The following NSMCE2 variants were observed in gnomAD, a reference collection of about 807,000 sequenced individuals.
NSMCE2 encodes the protein NSE2 SUMO ligase component of SMC5/6 complex, also known as E3 SUMO-protein ligase NSE2.
In NSMCE2, 24 loss-of-function variants were observed where a neutral mutation model predicts 23.8. That is an observed-to-expected ratio of 1.01 (90% CI 0.73 to 1.42). The LOEUF (loss-of-function observed/expected upper bound fraction) is 1.42. Among genes scored for constraint, NSMCE2 ranks in the 40% most tolerant of loss-of-function variants. NSMCE2 has a pLI of 0.00. For synonymous variants in NSMCE2, 92 were observed against 94.1 expected, an observed-to-expected ratio of 0.98 and a Z score of 0.13; for missense variants, 284 against 296.5, an observed-to-expected ratio of 0.96 and a Z score of 0.31.
intron 5 of NSMCE2, among the ~76,000 whole-genome samples, chr8:125,247,522 C>CT (rs1183446822): frequency 6.6e-6 from 1 of 150,820 alleles, no homozygotes; most frequent in Non-Finnish European, 1.5e-5. Flanking sequence ...GTCAGCAGTT[C>CT]GAGACCAGCC....
At chr8:125,258,808 G>T (rs1008505530) in intron 5 of NSMCE2, among the ~76,000 whole-genome samples, 10 of 152,182 alleles carry the variant, frequency 6.6e-5, no homozygotes, top group Non-Finnish European at 1.0e-4. Flanking sequence ...GGAAAGACTT[G>T]GTTGGAAGCT....
At chr8:125,238,397 C>T (rs778384408) in intron 5 of NSMCE2, among the ~76,000 whole-genome samples, 4 of 152,108 alleles carry the variant, frequency 2.6e-5, no homozygotes, top group Admixed American at 6.5e-5. Flanking sequence ...ATGAATATAA[C>T]GGAACTGAAA....
chr8:125,296,671 C>T (rs1294170277), intron 5 of NSMCE2, among the ~76,000 whole-genome samples: 1 of 152,128 alleles, frequency 6.6e-6, no homozygotes, highest in Non-Finnish European at 1.5e-5. Flanking sequence ...GCTGGGATTA[C>T]AGATGTGAGT....
chr8:125,137,418 T>C (rs188639785), intron 3 of NSMCE2, among the ~76,000 whole-genome samples: 55 of 152,324 alleles, frequency 3.6e-4, no homozygotes, highest in Admixed American at 2.0e-3. Flanking sequence ...ATCTTTTTCT[T>C]GGTATAAATG....
chr8:125,171,709 TATA>T (rs142119790), intron 4 of NSMCE2, among the ~76,000 whole-genome samples: 2 of 152,114 alleles, frequency 1.3e-5, no homozygotes, highest in African/African-American at 4.8e-5. Flanking sequence ...TTAAACTTGC[TATA>T]ATAATAATAA....
At chr8:125,172,859 T>TTGTAGATTTTTATC (rs1400130652) in intron 4 of NSMCE2, among the ~76,000 whole-genome samples, 1 of 152,260 alleles carries the variant, frequency 6.6e-6, no homozygotes, top group Non-Finnish European at 1.5e-5. Flanking sequence ...TCTCAGCTAA[T>TTGTAGATTTTTATC]TGTAGATTTT....
chr8:125,207,814 G>C (rs1824173532), intron 5 of NSMCE2, among the ~76,000 whole-genome samples: 2 of 152,200 alleles, frequency 1.3e-5, no homozygotes, highest in Admixed American at 6.5e-5. Context: ...GCTCCATGTG[G>C]TTGCAGCCTC....
At chr8:125,233,844 T>G (rs1825428762) in intron 5 of NSMCE2, among the ~76,000 whole-genome samples, 1 of 152,036 alleles carries the variant, frequency 6.6e-6, no homozygotes, top group African/African-American at 2.4e-5. Flanking sequence ...GCTGTCACTT[T>G]CTACATCTAA....
At chr8:125,134,722 C>CTTTTT (rs34284298) in intron 3 of NSMCE2, among the ~76,000 whole-genome samples, 28 of 117,710 alleles carry the variant, frequency 2.4e-4, no homozygotes, top group African/African-American at 9.2e-4. Flanking sequence ...TAACGGATTC[C>CTTTTT]TTTTTTTTTT....
chr8:125,222,443 C>G (rs967365404), intron 5 of NSMCE2, among the ~76,000 whole-genome samples: 1 of 151,984 alleles, frequency 6.6e-6, no homozygotes, highest in Non-Finnish European at 1.5e-5. Context: ...TCGTGCTGTG[C>G]AATAGATCAC....
At chr8:125,356,242 G>C (rs1015401217) in intron 5 of NSMCE2, among the ~76,000 whole-genome samples, 3 of 151,794 alleles carry the variant, frequency 2.0e-5, no homozygotes, top group Non-Finnish European at 4.4e-5. Context: ...GTATGGGGGG[G>C]GGTGTTCTGG....
chr8:125,192,654 A>G (rs543545646), intron 5 of NSMCE2, among the ~76,000 whole-genome samples: 7 of 152,352 alleles, frequency 4.6e-5, no homozygotes, highest in African/African-American at 1.7e-4. Context: ...ATGACTTGCT[A>G]CATTTCATTT....
At chr8:125,311,559 A>G (rs902155853) in intron 5 of NSMCE2, among the ~76,000 whole-genome samples, 1 of 152,230 alleles carries the variant, frequency 6.6e-6, no homozygotes, top group Non-Finnish European at 1.5e-5. Context: ...GTTGTGCAAT[A>G]TGTCAGCATT....
chr8:125,180,082 T>C (rs1822723583), intron 4 of NSMCE2, among the ~76,000 whole-genome samples: 1 of 152,234 alleles, frequency 6.6e-6, no homozygotes, highest in Non-Finnish European at 1.5e-5. Flanking sequence ...ATTTATTTTC[T>C]AGGTCTGCTC....
intron 5 of NSMCE2, among the ~76,000 whole-genome samples, chr8:125,268,068 T>TAA (rs759319628): frequency 7.3e-6 from 1 of 136,540 alleles, no homozygotes; most frequent in African/African-American, 2.7e-5. Context: ...CATCTCTATT[T>TAA]AAAAAAAAAA....
chr8:125,294,109 T>C (rs971349933), intron 5 of NSMCE2, among the ~76,000 whole-genome samples: 2 of 152,218 alleles, frequency 1.3e-5, no homozygotes, highest in African/African-American at 4.8e-5. Flanking sequence ...GTTTTCAAGG[T>C]TTATCCATGT....
chr8:125,314,443 C>T (rs1829096056), intron 5 of NSMCE2, among the ~76,000 whole-genome samples: 4 of 152,132 alleles, frequency 2.6e-5, no homozygotes, highest in Non-Finnish European at 4.4e-5. Context: ...GCACCCACCA[C>T]CCATGCCTGG....
Position 125,181,963 on chromosome 8 carries a change from T to C in NSMCE2, c.265-140T>C, listed in dbSNP as rs955223762. ...CTGTCCTAGAACATGTCCCAACCTC[T>C]CTGGTGCTTTGTTCAAGAGATTGTT... On this transcript the variant is annotated intron_variant, in intron 4 of 7. Coordinates refer to ENST00000287437, the MANE Select transcript of NSMCE2 (RefSeq NM_173685.4). 8.9e-6 allele frequency: 6 copies of C among 671,960 alleles called. No homozygotes were observed. The African/African-American group carries it at 1.1e-4, about 12-fold the overall frequency. The allele number at this position is 671,960 out of a possible 1,614,324, so 41.6% of individuals were successfully genotyped here.
intron 4 of NSMCE2, among the ~76,000 whole-genome samples, chr8:125,173,338 A>T (rs1405769792): frequency 6.6e-6 from 1 of 152,142 alleles, no homozygotes; most frequent in East Asian, 1.9e-4. Flanking sequence ...GGAGGAGAAG[A>T]TGTGTAACTA....
Sources: allele counts gnomAD v4.1 joint callset (sites outside exome capture counted in the v4.1 genomes callset), GRCh38; gene constraint gnomAD v4.1.1; transcripts MANE v1.5; gene names NCBI Gene and HGNC (gene_info 2026-07-23, HGNC 2026-07-21).